JAK1: variants seen among roughly 807,000 people sequenced by gnomAD.
The protein encoded by JAK1 is Janus kinase 1, also known as tyrosine-protein kinase JAK1.
A neutral mutation model predicts 136.6 loss-of-function variants in JAK1; 16 were observed. That is an observed-to-expected ratio of 0.12 (90% CI 0.08 to 0.18). The LOEUF (loss-of-function observed/expected upper bound fraction) is 0.18. JAK1 is among the 10% of genes least tolerant of loss of function. The pLI, the probability that JAK1 is intolerant of heterozygous loss-of-function variation, is 1.00. For missense variants in JAK1, 859 were observed against 1,450.1 expected, an observed-to-expected ratio of 0.59 and a Z score of 6.62; for synonymous variants, 492 against 519.5, an observed-to-expected ratio of 0.95 and a Z score of 0.72.
intron 1 of JAK1, among the ~76,000 whole-genome samples, chr1:64,953,160 T>C (rs913865705): frequency 6.6e-5 from 10 of 152,206 alleles, no homozygotes; most frequent in African/African-American, 1.9e-4. Flanking sequence ...GGTGTAAACA[T>C]TATGTAATCA....
intron 1 of JAK1, among the ~76,000 whole-genome samples, chr1:65,062,273 A>G (rs951697894): frequency 6.6e-6 from 1 of 152,164 alleles, no homozygotes; most frequent in Admixed American, 6.5e-5. Flanking sequence ...TTTGCTCTAC[A>G]TCACATTTCA....
intron 1 of JAK1, among the ~76,000 whole-genome samples, chr1:65,066,393 C>G (rs553945337): frequency 3.9e-5 from 6 of 152,278 alleles, no homozygotes; most frequent in East Asian, 1.9e-4. Context: ...ATTAAAAAAC[C>G]ACGAGCTCTA....
At chr1:65,030,614 C>G (rs1426950292) in intron 2 of JAK1, among the ~76,000 whole-genome samples, 1 of 151,886 alleles carries the variant, frequency 6.6e-6, no homozygotes, top group Non-Finnish European at 1.5e-5. Context: ...CTCACTGCAA[C>G]CTCCACCTCC....
chr1:65,006,732 G>A (rs1209870918), intron 2 of JAK1, among the ~76,000 whole-genome samples: 1 of 152,042 alleles, frequency 6.6e-6, no homozygotes, highest in Admixed American at 6.6e-5. Flanking sequence ...TCAGTAGCAG[G>A]TACTTACCAT....
At chr1:64,875,729 G>A (rs749726100) in intron 4 of JAK1, among the ~76,000 whole-genome samples, 2 of 152,128 alleles carry the variant, frequency 1.3e-5, no homozygotes, top group South Asian at 2.1e-4. Flanking sequence ...GCAGAGCCAC[G>A]GGCAGCATGA....
At chr1:64,900,500 T>G (rs1462873181) in intron 1 of JAK1, among the ~76,000 whole-genome samples, 1 of 152,142 alleles carries the variant, frequency 6.6e-6, no homozygotes, top group Non-Finnish European at 1.5e-5. Context: ...CAGACTGACA[T>G]GAAGTGAGAC....
chr1:64,878,891 T>G, intron 4 of JAK1, 134 bp downstream of exon 4: 2 of 784,940 alleles, frequency 2.5e-6, no homozygotes, highest in Non-Finnish European at 3.8e-6. Context: ...CTTTCTCACA[T>G]CAAGCAAATA....
At chr1:64,936,130 G>A (rs1016645925) in intron 1 of JAK1, among the ~76,000 whole-genome samples, 1 of 152,178 alleles carries the variant, frequency 6.6e-6, no homozygotes, top group African/African-American at 2.4e-5. Context: ...TGACTGAGTT[G>A]CCTCCTCTCC....
chr1:64,975,174 A>T (rs2100681466), intron 2 of JAK1, among the ~76,000 whole-genome samples: 1 of 151,996 alleles, frequency 6.6e-6, no homozygotes, highest in South Asian at 2.1e-4. Context: ...ATCATAGTAT[A>T]CTACAGCCTT....
intron 1 of JAK1, among the ~76,000 whole-genome samples, chr1:65,048,071 C>A (rs991001520): frequency 6.6e-6 from 1 of 152,048 alleles, no homozygotes; most frequent in African/African-American, 2.4e-5. Flanking sequence ...AAGAAAAAAA[C>A]CAAACAGGAG....
At chr1:64,948,886 C>T (rs964274686) in intron 1 of JAK1, among the ~76,000 whole-genome samples, 1 of 152,144 alleles carries the variant, frequency 6.6e-6, no homozygotes, top group Non-Finnish European at 1.5e-5. Context: ...AAATCTAACC[C>T]TTAGAAATAC....
rs1646578189 is a variant in JAK1, at chr1:64,984,308, T to A, written c.-78+60172A>T. ...CTTACTTTTCCTCCCCTATATCCCCTAGAGGGCAATATTAGAACCCAAGGG... is the reference window on the plus strand; with the variant it reads ...CTTACTTTTCCTCCCCTATATCCCCAAGAGGGCAATATTAGAACCCAAGGG... On this transcript the variant is annotated intron_variant, in intron 2 of 25. Transcript: ENST00000671954. This position sits in a 1 kb window ranked among gnomAD's most constrained non-coding sequence, Gnocchi z 4.1. Among the ~76,000 whole-genome samples the A allele has an allele frequency of 6.6e-6, 1 of 152,120 alleles. No individual in the cohort carries two copies. The highest frequency in any genetic ancestry group is 1.5e-5 in the Non-Finnish European group (1 of 68,018).
At chr1:64,891,105 T>C (rs769691750) in intron 1 of JAK1, among the ~76,000 whole-genome samples, 2 of 152,026 alleles carry the variant, frequency 1.3e-5, no homozygotes, top group Non-Finnish European at 2.9e-5. Flanking sequence ...TTTGTTAAAC[T>C]GATTACAGCT....
chr1:64,936,267 A>C (rs2100484980), intron 1 of JAK1, among the ~76,000 whole-genome samples: 1 of 152,282 alleles, frequency 6.6e-6, no homozygotes, highest in Non-Finnish European at 1.5e-5. Context: ...ATAACTATCC[A>C]TACTTTCATT....
intron 22 of JAK1, 129 bp downstream of exon 22, chr1:64,837,803 G>A (rs1654582195): frequency 1.4e-6 from 1 of 694,138 alleles, no homozygotes; most frequent in South Asian, 3.1e-5. Flanking sequence ...AATTCCAAAT[G>A]TTCTAAACCT....
At chr1:65,019,893 GTGACAGAGCGAGACTCTGTCT>G (rs1646922659) in intron 2 of JAK1, among the ~76,000 whole-genome samples, 1 of 150,832 alleles carries the variant, frequency 6.6e-6, no homozygotes, top group African/African-American at 2.4e-5. Context: ...TCCAGCCTGG[GTGACAGAGCGAGACTCTGTCT>G]CAAAAAAAAA....
rs1209873991 is a variant in JAK1, at chr1:65,053,053, A to AG, written c.-180-8472_-180-8471insC. On this transcript the variant is annotated intron_variant, in intron 1 of 25. Transcript: ENST00000671954. ...CTCAAAAAAAAAAAAAAAAAAAAAA[A>AG]AAAGACTAGAGGCTGGGCACAGTGG... is the stretch of plus-strand genomic sequence containing the variant. Among the ~76,000 whole-genome samples, 446 of 133,738 alleles carry AG rather than the reference A, an allele frequency of 3.3e-3. 49 individuals are homozygous for AG. The highest frequency in any genetic ancestry group is 9.6e-3 in the African/African-American group (337 of 35,260). The allele number at this position is 133,738 out of a possible 152,430, so 87.7% of individuals were successfully genotyped here.
intron 1 of JAK1, among the ~76,000 whole-genome samples, chr1:65,060,981 A>C (rs761589100): frequency 7.2e-5 from 11 of 152,238 alleles, no homozygotes; most frequent in Non-Finnish European, 1.5e-4. Context: ...GCTTTCTTCC[A>C]GGACCCAAAC....
At chr1:65,002,049 C>G (rs1646763129) in intron 2 of JAK1, among the ~76,000 whole-genome samples, 1 of 152,030 alleles carries the variant, frequency 6.6e-6, no homozygotes, top group Non-Finnish European at 1.5e-5. Flanking sequence ...CATCTTCCAA[C>G]TACTCCTTAC....
Sources: allele counts gnomAD v4.1 joint callset (sites outside exome capture counted in the v4.1 genomes callset), GRCh38; gene constraint gnomAD v4.1.1; non-coding constraint Gnocchi (gnomAD v3.1); transcripts MANE v1.5; gene names NCBI Gene and HGNC (gene_info 2026-07-23, HGNC 2026-07-21).